The following TTC39C variants were observed in gnomAD, a reference collection of about 807,000 sequenced individuals.
TTC39C encodes the protein tetratricopeptide repeat protein 39C.
TTC39C carries 33 observed loss-of-function variants against 76.3 expected under a neutral mutation model. The observed-to-expected ratio is 0.43, with a 90% CI of 0.33 to 0.58. The LOEUF is 0.58. TTC39C is among the 20% of genes least tolerant of loss of function. The pLI, the probability that TTC39C is intolerant of heterozygous loss-of-function variation, is 0.04. For synonymous variants in TTC39C, 254 were observed against 260.6 expected, an observed-to-expected ratio of 0.97 and a Z score of 0.24; for missense variants, 595 against 701.4, an observed-to-expected ratio of 0.85 and a Z score of 1.71.
chr18:24,030,361 A>G (rs1156351602), intron 1 of TTC39C, among the ~76,000 whole-genome samples: 1 of 152,236 alleles, frequency 6.6e-6, no homozygotes, highest in Non-Finnish European at 1.5e-5. Flanking sequence ...AAATTGACTA[A>G]TCTGAAGAAT....
intron 1 of TTC39C, among the ~76,000 whole-genome samples, chr18:24,051,696 G>A (rs1455664340): frequency 7.9e-5 from 12 of 152,194 alleles, no homozygotes; most frequent in South Asian, 2.1e-4. Flanking sequence ...AAGTCTTTCC[G>A]TGAATTTCCC....
At chr18:24,087,262 C>T (rs2084452129) in intron 6 of TTC39C, among the ~76,000 whole-genome samples, 1 of 152,116 alleles carries the variant, frequency 6.6e-6, no homozygotes, top group Non-Finnish European at 1.5e-5. Context: ...ATTATTTTTA[C>T]AATATTAGGG....
At chr18:24,034,660 A>G (rs2083712163) in intron 1 of TTC39C, among the ~76,000 whole-genome samples, 1 of 152,190 alleles carries the variant, frequency 6.6e-6, no homozygotes, top group Non-Finnish European at 1.5e-5. Flanking sequence ...AGCCCCAGCA[A>G]CTGCCCTTCT....
chr18:24,111,932 G>A (rs141007166), intron 6 of TTC39C, among the ~76,000 whole-genome samples: 3,986 of 146,784 alleles, frequency 0.027, 89 homozygotes, highest in Middle Eastern at 0.076. Flanking sequence ...TATTTTTTTT[G>A]GTGAAAAATA....
chr18:24,045,059 G>A (rs9965158), intron 1 of TTC39C, among the ~76,000 whole-genome samples: 126,026 of 151,882 alleles, frequency 0.83, 54,034 homozygotes, highest in Non-Finnish European at 0.94. Flanking sequence ...ACATGAGGTT[G>A]GAAGTTTGAG....
intron 6 of TTC39C, among the ~76,000 whole-genome samples, chr18:24,087,024 T>G (rs2145769302): frequency 6.6e-6 from 1 of 152,264 alleles, no homozygotes; most frequent in Middle Eastern, 3.4e-3. Context: ...CTATAGGAGA[T>G]GTATGTACTA....
chr18:24,010,255 C>T (rs112228165), upstream of TTC39C, among the ~76,000 whole-genome samples: 398 of 152,276 alleles, frequency 2.6e-3, 2 homozygotes, highest in African/African-American at 9.1e-3. Context: ...GTTTACAGCT[C>T]GGGGTCTGCC....
intron 6 of TTC39C, among the ~76,000 whole-genome samples, chr18:24,109,691 A>G (rs1391509444): frequency 6.6e-6 from 1 of 152,186 alleles, no homozygotes; most frequent in Non-Finnish European, 1.5e-5. Flanking sequence ...AAAATGATTG[A>G]TCATGCATTC....
At position 24,134,255 on chromosome 18, in the gene TTC39C, C is replaced by CTGTTGT. The variant is rs1306320674; in HGVS notation, c.*1685_*1686insGTTGTT. ...ATTGGTGCCCAAAAATATTGGACAT[C>CTGTTGT]TGTTTTTTGTTTTTTTTTTTTTTTT... On this transcript the variant is annotated 3_prime_UTR_variant, in exon 14 of 14. Transcript: ENST00000317571. 4.3e-5 allele frequency: 2 copies of CTGTTGT among 46,728 alleles called. No individual in the cohort carries two copies. The highest frequency in any genetic ancestry group is 1.9e-3 in the South Asian group (2 of 1,054). 2.9% of individuals were successfully genotyped at this position (46,728 alleles called of 1,614,324 possible).
At chr18:24,023,973 TATATATA>T (rs1568408913) in intron 1 of TTC39C, among the ~76,000 whole-genome samples, 2,955 of 17,088 alleles carry the variant, frequency 0.17, 478 homozygotes, top group Non-Finnish European at 0.28. Flanking sequence ...TATATATATA[TATATATA>T]CATATATATA....
chr18:24,111,720 C>T (rs1225045404), intron 6 of TTC39C, among the ~76,000 whole-genome samples: 2 of 151,654 alleles, frequency 1.3e-5, no homozygotes, highest in South Asian at 2.1e-4. Flanking sequence ...TGTAGTGAGA[C>T]CCCTGTCTAC....
intron 1 of TTC39C, among the ~76,000 whole-genome samples, chr18:24,023,965 T>TATATATATACGTATATATATATACACAC: frequency 9.5e-5 from 1 of 10,536 alleles, no homozygotes; most frequent in African/African-American, 1.7e-4. Context: ...TATATATATA[T>TATATATATACGTATATATATATACACAC]ATATATATAT....
chr18:24,015,100 C>G (rs1292542879), intron 1 of TTC39C, 62 bp downstream of exon 1: 4 of 1,346,540 alleles, frequency 3.0e-6, no homozygotes, highest in Non-Finnish European at 2.9e-6. Flanking sequence ...GGCTCACGCG[C>G]CTCGACCTGC....
chr18:23,993,522 C>A (rs2083236264), intron 1 of TTC39C, among the ~76,000 whole-genome samples: 1 of 152,134 alleles, frequency 6.6e-6, no homozygotes, highest in African/African-American at 2.4e-5. Context: ...ATCTTGTACT[C>A]CTACTTGGTT....
At chr18:24,106,272 A>G (rs903279796) in intron 6 of TTC39C, among the ~76,000 whole-genome samples, 1 of 152,192 alleles carries the variant, frequency 6.6e-6, no homozygotes, top group Non-Finnish European at 1.5e-5. Flanking sequence ...TGCAGATGCC[A>G]TTGGTGCCCT....
In TTC39C at chr18:23,997,412, G is replaced by A. The variant is rs542462598; in HGVS notation, c.-17+4374G>A. ...CTAAAAATACGAAAATTAGCCGGGC[G>A]TGGTCGTGGGCGCCTGTAATCCCAG... On this transcript the variant is annotated intron_variant, in intron 1 of 13. Coordinates refer to the TTC39C transcript ENST00000304621. 9.2e-5 allele frequency among the ~76,000 whole-genome samples: 14 copies of A among 151,898 alleles called. No individual in the cohort carries two copies. The South Asian group carries it at 2.5e-3, about 27-fold the overall frequency.
chr18:24,075,705 A>C (rs1302108175), intron 4 of TTC39C, among the ~76,000 whole-genome samples: 10 of 142,634 alleles, frequency 7.0e-5, no homozygotes, highest in Admixed American at 2.1e-4. Context: ...AAAAAAAAAC[A>C]AAAAAAAAAC....
chr18:24,047,817 T>C (rs1394944967), intron 1 of TTC39C, among the ~76,000 whole-genome samples: 1 of 152,248 alleles, frequency 6.6e-6, no homozygotes, highest in Non-Finnish European at 1.5e-5. Context: ...AACAGCTCTG[T>C]ATTGAAGACA....
chr18:24,101,645 C>T (rs935603063), intron 6 of TTC39C, among the ~76,000 whole-genome samples: 7 of 151,974 alleles, frequency 4.6e-5, no homozygotes, highest in Non-Finnish European at 8.8e-5. Flanking sequence ...CATTCAGTGT[C>T]ACTTTGCTGA....
Sources: allele counts gnomAD v4.1 joint callset (sites outside exome capture counted in the v4.1 genomes callset), GRCh38; gene constraint gnomAD v4.1.1; transcripts MANE v1.5; gene names NCBI Gene and HGNC (gene_info 2026-07-23, HGNC 2026-07-21).